The following GRID2 variants were observed in gnomAD, a reference collection of about 807,000 sequenced individuals.
GRID2 encodes the protein glutamate receptor ionotropic, delta-2.
GRID2 carries 33 observed loss-of-function variants against 114.8 expected under a neutral mutation model. That is an observed-to-expected ratio of 0.29 (90% confidence interval 0.22 to 0.38). The LOEUF (loss-of-function observed/expected upper bound fraction) is 0.38, where lower values mean the gene tolerates loss of function less well. Among genes scored for constraint, GRID2 ranks in the 10% least tolerant of loss-of-function variants. GRID2 has a pLI of 1.00. For synonymous variants in GRID2, 505 were observed against 449.9 expected (o/e 1.12, Z -1.55); for missense variants, 1,184 against 1,257.7 (o/e 0.94, Z 0.89).
chr4:93,252,667 A>G (rs1749099268), intron 8 of GRID2, among the ~76,000 whole-genome samples: 1 of 152,200 alleles, frequency 6.6e-6, no homozygotes, highest in Admixed American at 6.5e-5. Context: ...CAGTATGACC[A>G]TTATAATGAC....
At chr4:93,582,292 CCTGA>C (rs1214520539) in intron 13 of GRID2, among the ~76,000 whole-genome samples, 1 of 152,136 alleles carries the variant, frequency 6.6e-6, no homozygotes, top group African/African-American at 2.4e-5. Context: ...CTCTGACCCT[CCTGA>C]CTGTCTCTTA....
At chr4:93,803,389 A>G (rs1734969221) in intron 1 of GRID2, among the ~76,000 whole-genome samples, 1 of 152,164 alleles carries the variant, frequency 6.6e-6, no homozygotes, top group Non-Finnish European at 1.5e-5. Flanking sequence ...CCAATTCTGA[A>G]TGTTGCGAGT....
intron 2 of GRID2, among the ~76,000 whole-genome samples, chr4:92,933,646 G>C (rs1215078272): frequency 1.3e-5 from 2 of 151,472 alleles, no homozygotes; most frequent in Non-Finnish European, 3.0e-5. Context: ...AAGTTTCATA[G>C]TAGTTCCATA....
chr4:93,647,203 A>G (rs1188034440), intron 14 of GRID2, among the ~76,000 whole-genome samples: 2 of 152,170 alleles, frequency 1.3e-5, no homozygotes, highest in African/African-American at 2.4e-5. Context: ...GAAGCAGAAA[A>G]AGATAGGCAC....
At chr4:92,661,216 A>G (rs1446262028) in intron 2 of GRID2, among the ~76,000 whole-genome samples, 1 of 150,988 alleles carries the variant, frequency 6.6e-6, no homozygotes, top group Non-Finnish European at 1.5e-5. Context: ...AAAAACTAAT[A>G]AAGAGGTGTT....
chr4:93,493,383 C>T (rs772185376), intron 12 of GRID2, among the ~76,000 whole-genome samples: 1 of 151,686 alleles, frequency 6.6e-6, no homozygotes, highest in Non-Finnish European at 1.5e-5. Context: ...CACAAAATAA[C>T]CTTAATAATA....
At chr4:92,330,336 G>C (rs1398449299) in intron 1 of GRID2, among the ~76,000 whole-genome samples, 1 of 152,118 alleles carries the variant, frequency 6.6e-6, no homozygotes, top group Non-Finnish European at 1.5e-5. Context: ...TGCTTGGAAG[G>C]CTCCTTGACA....
chr4:92,934,867 C>T lies in GRID2; in HGVS notation c.245-150128C>T, dbSNP rs1393698869. ...AAGCTGAAACTGGATCCCTTCCTTA[C>T]ACCTTATACCAAAATTAATTCAAGA... is the stretch of plus-strand genomic sequence containing the variant. On this transcript the variant is annotated intron_variant, in intron 2 of 15. Coordinates refer to ENST00000282020, the MANE Select transcript of GRID2 (RefSeq NM_001510.4). Among the ~76,000 whole-genome samples, 8 of 147,094 alleles carry T rather than the reference C, an allele frequency of 5.4e-5. 1 individual carries two copies. Among genetic ancestry groups the T allele is most frequent in the Non-Finnish European group, 1.1e-4 (7 of 66,434 alleles).
At chr4:93,426,658 T>C (rs574232645) in intron 10 of GRID2, among the ~76,000 whole-genome samples, 1 of 152,222 alleles carries the variant, frequency 6.6e-6, no homozygotes, top group African/African-American at 2.4e-5. Context: ...TTTGAAAATA[T>C]AAGTTTATCG....
At chr4:93,449,614 A>C (rs574935334) in intron 10 of GRID2, among the ~76,000 whole-genome samples, 19 of 152,222 alleles carry the variant, frequency 1.2e-4, no homozygotes, top group African/African-American at 4.1e-4. Context: ...AAAGCACTTT[A>C]AACCCTATAG....
intron 2 of GRID2, chr4:92,833,855 T>A (rs1742281899): frequency 6.6e-6 from 1 of 152,242 alleles, no homozygotes; most frequent in Non-Finnish European, 1.5e-5. Flanking sequence ...TTCCTCCAGT[T>A]AATTTCCTGT....
At chr4:92,553,322 T>C (rs549987741) in intron 1 of GRID2, among the ~76,000 whole-genome samples, 83 of 152,298 alleles carry the variant, frequency 5.4e-4, no homozygotes, top group African/African-American at 1.9e-3. Flanking sequence ...CTGTCTTTGA[T>C]AGCATAGGAA....
chr4:92,403,598 A>G (rs1357662931), intron 1 of GRID2, among the ~76,000 whole-genome samples: 1 of 151,958 alleles, frequency 6.6e-6, no homozygotes, highest in Non-Finnish European at 1.5e-5. Context: ...AGGCTGAGAC[A>G]GGAGAATCGC....
At chr4:92,962,777 G>GA (rs1230931044) in intron 2 of GRID2, among the ~76,000 whole-genome samples, 1 of 151,880 alleles carries the variant, frequency 6.6e-6, no homozygotes, top group East Asian at 1.9e-4. Context: ...TTGACTCTCA[G>GA]AATTTTCCAC....
chr4:93,673,653 C>T (rs1042426306), intron 14 of GRID2, among the ~76,000 whole-genome samples: 3 of 152,280 alleles, frequency 2.0e-5, no homozygotes, highest in African/African-American at 7.2e-5. Context: ...TTGTCCTAAT[C>T]CCTAAGCTGT....
chr4:92,733,734 A>G (rs1439201917), intron 2 of GRID2, among the ~76,000 whole-genome samples: 2 of 152,070 alleles, frequency 1.3e-5, no homozygotes, highest in Non-Finnish European at 2.9e-5. Flanking sequence ...GCTATCACTG[A>G]GTTAAATCAA....
intron 11 of GRID2, among the ~76,000 whole-genome samples, chr4:93,461,391 GACTTGGA>G (rs1723727683): frequency 6.6e-6 from 1 of 152,056 alleles, no homozygotes; most frequent in South Asian, 2.1e-4. Context: ...ATAGGCAATT[GACTTGGA>G]ACTGGTGATA....
At chr4:93,624,734 T>C (rs1742540165) in intron 13 of GRID2, among the ~76,000 whole-genome samples, 1 of 152,222 alleles carries the variant, frequency 6.6e-6, no homozygotes, top group Non-Finnish European at 1.5e-5. Flanking sequence ...ATTACTTCTA[T>C]TTATTTTATG....
intron 2 of GRID2, among the ~76,000 whole-genome samples, chr4:92,841,794 AT>A (rs564690779): frequency 0.01 from 1,533 of 150,346 alleles, 21 homozygotes; most frequent in African/African-American, 0.033. Flanking sequence ...TTATAGCTTA[AT>A]TTTTTTTTTC....
Sources: gnomAD v4.1 joint callset for allele counts (sites outside exome capture counted in the v4.1 genomes callset) on GRCh38, gnomAD v4.1.1 for gene constraint, MANE v1.5 for transcripts, NCBI Gene and HGNC (gene_info 2026-07-23, HGNC 2026-07-21) for gene names.